SLCO6A1: variants seen among roughly 807,000 people sequenced by gnomAD.
SLCO6A1 encodes cancer/testis antigen 48.
Under a neutral mutation model 72.7 loss-of-function variants are expected in SLCO6A1, and 65 were observed. The observed-to-expected ratio is 0.89, with a 90% CI of 0.73 to 1.10. The LOEUF is 1.10. Ranked by LOEUF, SLCO6A1 falls within the 50% of genes least tolerant of loss-of-function variation. SLCO6A1 has a pLI of 0.00. For synonymous variants in SLCO6A1, 314 were observed against 298.2 expected (o/e 1.05, Z -0.55); for missense variants, 874 against 872.6 (o/e 1.00, Z -0.02).
chr5:102,466,291 C>T (rs148932112), intron 4 of SLCO6A1, among the ~76,000 whole-genome samples: 3,518 of 152,064 alleles, frequency 0.023, 95 homozygotes, highest in African/African-American at 0.068. Context: ...GTTTTCTATT[C>T]CTGCATTAGT....
At chr5:102,385,961 C>A (rs185774471) in intron 12 of SLCO6A1, among the ~76,000 whole-genome samples, 1 of 151,952 alleles carries the variant, frequency 6.6e-6, no homozygotes, top group East Asian at 1.9e-4. Context: ...AAATACACAA[C>A]ACCACACCTG....
At chr5:102,404,768 T>C (rs1471077269) in intron 9 of SLCO6A1, among the ~76,000 whole-genome samples, 1 of 152,294 alleles carries the variant, frequency 6.6e-6, no homozygotes, top group South Asian at 2.1e-4. Context: ...TATCCAAGTT[T>C]TGTGGGAGAA....
At chr5:102,489,350 C>T (rs1752575389) in intron 1 of SLCO6A1, among the ~76,000 whole-genome samples, 1 of 152,018 alleles carries the variant, frequency 6.6e-6, no homozygotes, top group Non-Finnish European at 1.5e-5. Context: ...AGGGGGATTT[C>T]CAGAAATTTA....
At chr5:102,497,427 T>C (rs1020223791) in intron 1 of SLCO6A1, among the ~76,000 whole-genome samples, 2 of 152,080 alleles carry the variant, frequency 1.3e-5, no homozygotes, top group Non-Finnish European at 1.5e-5. Flanking sequence ...CTTCTCAGAG[T>C]TGGTGACCAA....
At chr5:102,382,842 C>T (rs1328504754) in intron 12 of SLCO6A1, among the ~76,000 whole-genome samples, 1 of 150,684 alleles carries the variant, frequency 6.6e-6, no homozygotes, top group African/African-American at 2.4e-5. Flanking sequence ...TGAAACTTTA[C>T]TGAAATCACT....
rs1448274507 is a variant in SLCO6A1, at chr5:102,372,106, C to G, written c.*33G>C. 1 of 151,994 alleles carries G rather than the reference C, an allele frequency of 6.6e-6. No individual in the cohort carries two copies. Among genetic ancestry groups the G allele is most frequent in the Non-Finnish European group, 1.5e-5 (1 of 67,904 alleles). 9.4% of individuals were successfully genotyped at this position (151,994 alleles called of 1,614,324 possible). A position where few individuals can be genotyped will look rare whatever the true frequency, so the allele number is the denominator to read the frequency against. On this transcript the variant is annotated 3_prime_UTR_variant, in exon 14 of 14. Coordinates refer to ENST00000506729, the MANE Select transcript of SLCO6A1 (RefSeq NM_173488.5). ...AGAAACTCGTTTTCACACTCTGATC[C>G]TCAAATGATCTGCAATCCTGCTGGT... is the stretch of plus-strand genomic sequence containing the variant.
At chr5:102,480,146 T>C in intron 2 of SLCO6A1, 31 bp downstream of exon 2, 1 of 1,544,682 alleles carries the variant, frequency 6.5e-7, no homozygotes, top group Non-Finnish European at 8.8e-7. Context: ...AATATTGATT[T>C]GATGTATGAC....
chr5:102,498,407 T>TGGG, intron 1 of SLCO6A1, 80 bp downstream of exon 1: 1 of 1,388,150 alleles, frequency 7.2e-7, no homozygotes, highest in South Asian at 1.3e-5. Context: ...CAGGGCGTCC[T>TGGG]CCGCCATACT....
intron 10 of SLCO6A1, among the ~76,000 whole-genome samples, chr5:102,394,745 T>C (rs1203582113): frequency 6.6e-6 from 1 of 152,078 alleles, no homozygotes; most frequent in Non-Finnish European, 1.5e-5. Context: ...TGCTACCTCC[T>C]GTGATGAAAG....
intron 12 of SLCO6A1, 108 bp from the exon 13 acceptor site, chr5:102,373,602 T>C: frequency 1.4e-6 from 1 of 702,938 alleles, no homozygotes; most frequent in Non-Finnish European, 2.1e-6. Context: ...CCTATAAAGG[T>C]ATAAATTTCC....
intron 9 of SLCO6A1, among the ~76,000 whole-genome samples, chr5:102,405,410 A>G (rs1243722532): frequency 4.1e-5 from 6 of 145,216 alleles, no homozygotes; most frequent in African/African-American, 5.7e-5. Flanking sequence ...AAAAAAAAAG[A>G]AATACTGAAA....
chr5:102,450,056 T>A (rs1407755899), intron 6 of SLCO6A1, among the ~76,000 whole-genome samples: 5 of 152,212 alleles, frequency 3.3e-5, no homozygotes, highest in Non-Finnish European at 5.9e-5. Flanking sequence ...TTCCTTATAT[T>A]CCTTGGGATG....
At chr5:102,485,833 C>T (rs916892695) in intron 1 of SLCO6A1, among the ~76,000 whole-genome samples, 7 of 152,118 alleles carry the variant, frequency 4.6e-5, no homozygotes, top group African/African-American at 1.7e-4. Context: ...GTCTTAGGGG[C>T]TTCTAATACA....
intron 7 of SLCO6A1, among the ~76,000 whole-genome samples, chr5:102,437,956 G>A (rs2112677517): frequency 6.6e-6 from 1 of 152,134 alleles, no homozygotes; most frequent in East Asian, 1.9e-4. Context: ...CTTTTGGAGA[G>A]CCAATTCTCA....
At chr5:102,396,062 A>C (rs9327852) in intron 10 of SLCO6A1, among the ~76,000 whole-genome samples, 98,005 of 151,554 alleles carry the variant, frequency 0.65, 31,907 homozygotes, top group African/African-American at 0.67. Context: ...CCCATTTGTC[A>C]ATTTTGGCTT....
At chr5:102,413,594 G>A (rs980646853) in intron 8 of SLCO6A1, among the ~76,000 whole-genome samples, 1 of 151,444 alleles carries the variant, frequency 6.6e-6, no homozygotes, top group Non-Finnish European at 1.5e-5. Flanking sequence ...TTTGGTCTTT[G>A]TATGGTCATA....
chr5:102,440,919 T>C (rs1330314795), intron 6 of SLCO6A1, among the ~76,000 whole-genome samples: 2 of 152,200 alleles, frequency 1.3e-5, no homozygotes, highest in Non-Finnish European at 2.9e-5. Flanking sequence ...ACACAGTTCT[T>C]AGCTATTGGG....
chr5:102,430,313 T>A (rs1459178787), intron 7 of SLCO6A1, among the ~76,000 whole-genome samples: 1 of 152,142 alleles, frequency 6.6e-6, no homozygotes, highest in African/African-American at 2.4e-5. Context: ...CTTGTCTGAT[T>A]GTTCTGGGCT....
At chr5:102,457,072 C>T (rs917285276) in intron 6 of SLCO6A1, among the ~76,000 whole-genome samples, 2 of 152,206 alleles carry the variant, frequency 1.3e-5, no homozygotes, top group Admixed American at 6.5e-5. Flanking sequence ...AAACTGGATC[C>T]CTTCCTTACA....
Sources: allele counts gnomAD v4.1 joint callset (sites outside exome capture counted in the v4.1 genomes callset), GRCh38; gene constraint gnomAD v4.1.1; transcripts MANE v1.5; gene names NCBI Gene and HGNC (gene_info 2026-07-23, HGNC 2026-07-21).